The following GRID2 variants were observed in gnomAD, a reference collection of about 807,000 sequenced individuals.
The protein encoded by GRID2 is glutamate receptor ionotropic, delta-2.
A neutral mutation model predicts 114.8 loss-of-function variants in GRID2; 33 were observed. The ratio of observed to expected loss-of-function variants is 0.29; its 90% CI spans 0.22 to 0.38. The LOEUF (loss-of-function observed/expected upper bound fraction) is 0.38, where lower values mean the gene tolerates loss of function less well. Among genes scored for constraint, GRID2 ranks in the 10% least tolerant of loss-of-function variants. GRID2 has a pLI of 1.00. For missense variants in GRID2, 1,184 were observed against 1,257.7 expected (o/e 0.94, Z 0.89); for synonymous variants, 505 against 449.9 (o/e 1.12, Z -1.55).
chr4:92,907,616 G>C (rs1748054724), intron 2 of GRID2, among the ~76,000 whole-genome samples: 1 of 151,912 alleles, frequency 6.6e-6, no homozygotes, highest in South Asian at 2.1e-4. Flanking sequence ...CTCCATGCTT[G>C]TCAGGCTGGT....
chr4:92,939,136 C>T (rs1169916954), intron 2 of GRID2, among the ~76,000 whole-genome samples: 1 of 147,366 alleles, frequency 6.8e-6, no homozygotes, highest in African/African-American at 2.4e-5. Context: ...TGAGGAACTG[C>T]TACACTGACT....
At chr4:92,423,918 AAAAT>A (rs1732025338) in intron 1 of GRID2, among the ~76,000 whole-genome samples, 1 of 152,160 alleles carries the variant, frequency 6.6e-6, no homozygotes, top group East Asian at 1.9e-4. Context: ...CATAAATTAA[AAAAT>A]AAAAAAGAGA....
At chr4:93,029,073 T>C (rs2149255073) in intron 2 of GRID2, among the ~76,000 whole-genome samples, 1 of 152,216 alleles carries the variant, frequency 6.6e-6, no homozygotes, top group East Asian at 1.9e-4. Flanking sequence ...TATCACATCC[T>C]GAGTTCCCAT....
intron 8 of GRID2, among the ~76,000 whole-genome samples, chr4:93,259,690 G>GT (rs1750032772): frequency 6.6e-6 from 1 of 151,814 alleles, no homozygotes; most frequent in East Asian, 1.9e-4. Flanking sequence ...AAATGTGAAT[G>GT]TAACGGTTAC....
intron 8 of GRID2, among the ~76,000 whole-genome samples, chr4:93,279,831 T>C (rs991743438): frequency 3.3e-5 from 5 of 151,968 alleles, no homozygotes; most frequent in Non-Finnish European, 5.9e-5. Context: ...TGTGATACTT[T>C]CTATCAGGAT....
chr4:92,655,772 C>T (rs1732201598), intron 2 of GRID2, among the ~76,000 whole-genome samples: 1 of 151,762 alleles, frequency 6.6e-6, no homozygotes, highest in Non-Finnish European at 1.5e-5. Flanking sequence ...AGATTTTCCC[C>T]ATATAAGATC....
chr4:92,415,740 GTATATATATATATATATATATATA>G lies in GRID2; in HGVS notation c.88+111014_88+111037del, dbSNP rs70940888. Among the ~76,000 whole-genome samples, 45 of 82,220 alleles carry G rather than the reference GTATATATATATATATATATATATA, an allele frequency of 5.5e-4. 1 individual carries two copies. Among genetic ancestry groups the G allele is most frequent in the Admixed American group, 1.9e-3 (11 of 5,668 alleles). The allele number at this position is 82,220 out of a possible 152,430, so 53.9% of individuals were successfully genotyped here. ...TGTGTGTGTGTGTGTGTGTATGTGTGTATATATATATATATATATATATATATATATATATATATATCACATTTT... is the reference window on the plus strand; with the variant it reads ...TGTGTGTGTGTGTGTGTGTATGTGTGTATATATATATATATATCACATTTT... On this transcript the variant is annotated intron_variant, in intron 1 of 15. Transcript: ENST00000282020.
At chr4:92,721,486 A>T (rs1181060766) in intron 2 of GRID2, among the ~76,000 whole-genome samples, 3 of 152,126 alleles carry the variant, frequency 2.0e-5, no homozygotes, top group African/African-American at 7.2e-5. Flanking sequence ...ATAATATATT[A>T]TTCTAAATAA....
At chr4:93,792,250 C>T (rs1166938749) in intron 1 of GRID2, among the ~76,000 whole-genome samples, 4 of 152,136 alleles carry the variant, frequency 2.6e-5, no homozygotes, top group African/African-American at 9.7e-5. Context: ...TCCCACTTCC[C>T]TCTCTAACCC....
chr4:92,952,547 G>T, intron 2 of GRID2, among the ~76,000 whole-genome samples: 1 of 152,060 alleles, frequency 6.6e-6, no homozygotes, highest in East Asian at 1.9e-4. Flanking sequence ...TACACAAAAG[G>T]TTCATAGTCT....
rs574521294 is a variant in GRID2, at chr4:93,488,498, G to C, written c.1859-2141G>C. ...TAATTAAAATATGCCTGATATTATA[G>C]TAAATCGAATCCTGTTAAGTCATTC... On this transcript the variant is annotated intron_variant, in intron 11 of 15. Transcript: ENST00000282020. Among the ~76,000 whole-genome samples, 183 of 151,990 alleles carry C rather than the reference G, an allele frequency of 1.2e-3. 1 individual carries two copies. Among genetic ancestry groups the C allele is most frequent in the African/African-American group, 4.0e-3 (167 of 41,502 alleles).
At chr4:93,506,331 T>C (rs1224426081) in intron 12 of GRID2, among the ~76,000 whole-genome samples, 2 of 152,178 alleles carry the variant, frequency 1.3e-5, no homozygotes, top group Admixed American at 1.3e-4. Context: ...CCCCACACTT[T>C]GTAATCTAAT....
intron 2 of GRID2, among the ~76,000 whole-genome samples, chr4:92,907,192 T>A (rs980310857): frequency 5.9e-5 from 9 of 152,276 alleles, no homozygotes; most frequent in Middle Eastern, 6.8e-3. Flanking sequence ...TTAACTTTTT[T>A]AAAAAAATTA....
At chr4:92,964,243 C>T (rs540945705) in intron 2 of GRID2, among the ~76,000 whole-genome samples, 1 of 151,996 alleles carries the variant, frequency 6.6e-6, no homozygotes, top group African/African-American at 2.4e-5. Flanking sequence ...AGCTTTAAAG[C>T]TAGGCCTTGT....
intron 1 of GRID2, among the ~76,000 whole-genome samples, chr4:92,552,233 A>C (rs771988762): frequency 3.3e-5 from 5 of 152,110 alleles, no homozygotes; most frequent in Non-Finnish European, 7.4e-5. Context: ...CAGAATGGGC[A>C]AAGCAAAAAT....
intron 8 of GRID2, among the ~76,000 whole-genome samples, chr4:93,244,044 C>A (rs1003215346): frequency 6.6e-6 from 1 of 151,818 alleles, no homozygotes; most frequent in Admixed American, 6.6e-5. Flanking sequence ...TTAAATAACT[C>A]TACGTTTAAG....
chr4:93,621,885 C>T (rs144531512), intron 13 of GRID2, among the ~76,000 whole-genome samples: 1 of 152,030 alleles, frequency 6.6e-6, no homozygotes, highest in Admixed American at 6.6e-5. Flanking sequence ...CAAGAGACAG[C>T]ATATATAATG....
At chr4:93,810,086 T>C (rs1405901666) in exon 2 of GRID2, 1 of 152,254 alleles carries the variant, frequency 6.6e-6, no homozygotes, top group African/African-American at 2.4e-5. Context: ...AATTAAGATG[T>C]TGGAACAGGT....
rs113695737 is a variant in GRID2 at position 92,403,522 on chromosome 4, C to T, written c.88+98778C>T. ...ACCAGCCTGACCAATATGGTGGAAC[C>T]CCATCTCTACTAAAAATAAATTAGC... On this transcript the variant is annotated intron_variant, in intron 1 of 15. Coordinates refer to ENST00000282020, the MANE Select transcript of GRID2 (RefSeq NM_001510.4). 4.3e-3 allele frequency among the ~76,000 whole-genome samples: 658 copies of T among 151,728 alleles called. 7 individuals carry two copies. Among genetic ancestry groups the T allele is most frequent in the African/African-American group, 0.015 (639 of 41,338 alleles).
Sources: allele counts gnomAD v4.1 joint callset (sites outside exome capture counted in the v4.1 genomes callset), GRCh38; gene constraint gnomAD v4.1.1; transcripts MANE v1.5; gene names NCBI Gene and HGNC (gene_info 2026-07-23, HGNC 2026-07-21).